The following SLC16A1 variants were observed in gnomAD, a reference collection of about 807,000 sequenced individuals.
The protein encoded by SLC16A1 is monocarboxylate transporter 1.
Under a neutral mutation model 32.2 loss-of-function variants are expected in SLC16A1, and 11 were observed. That is an observed-to-expected ratio of 0.34 (90% CI 0.21 to 0.56). The LOEUF is 0.56. Ranked by LOEUF, SLC16A1 falls within the 20% of genes least tolerant of loss-of-function variation. The pLI, the probability that SLC16A1 is intolerant of heterozygous loss-of-function variation, is 0.87. For synonymous variants in SLC16A1, 231 were observed against 226.8 expected (o/e 1.02, Z -0.17); for missense variants, 435 against 615.0 (o/e 0.71, Z 3.10).
intron 3 of SLC16A1, among the ~76,000 whole-genome samples, chr1:112,919,011 T>TTTATTTTATTTATTTATTTATTTA (rs374042504): frequency 6.9e-6 from 1 of 144,224 alleles, no homozygotes; most frequent in African/African-American, 2.6e-5. Flanking sequence ...TACTAATTTA[T>TTTATTTTATTTATTTATTTATTTA]TTTATTTATT....
At chr1:112,939,388 A>G (rs1649424326) in intron 1 of SLC16A1, among the ~76,000 whole-genome samples, 1 of 152,238 alleles carries the variant, frequency 6.6e-6, no homozygotes, top group East Asian at 1.9e-4. Flanking sequence ...GTATATATCC[A>G]AAGGAACTGA....
intron 1 of SLC16A1, among the ~76,000 whole-genome samples, chr1:112,933,100 T>TA (rs1259851340): frequency 6.6e-6 from 1 of 152,142 alleles, no homozygotes; most frequent in African/African-American, 2.4e-5. Context: ...TTAAAATAGA[T>TA]AACCTATCCT....
In SLC16A1 at chr1:112,923,696, C is replaced by T. The variant is rs1367592276; in HGVS notation, c.218-1563G>A. On this transcript the variant is annotated intron_variant, in intron 2 of 4. Transcript: ENST00000369626. ...ACCTCTTCTACCTGCTCAGGCCAGACCACAGCACCCCGGTGGAAGAGACAC... is the reference window on the plus strand; with the variant it reads ...ACCTCTTCTACCTGCTCAGGCCAGATCACAGCACCCCGGTGGAAGAGACAC... The T allele has an allele frequency of 2.0e-6, 3 of 1,534,520 alleles. No homozygotes were observed. In the South Asian group the frequency reaches 3.4e-5, roughly 17 times the overall value.
intron 2 of SLC16A1, chr1:112,923,504 C>T: frequency 1.0e-6 from 1 of 963,806 alleles, no homozygotes; most frequent in Non-Finnish European, 1.7e-6. Context: ...ACGGCCACAC[C>T]AAGATAGACA....
chr1:112,933,041 C>T (rs1452625435), intron 1 of SLC16A1, among the ~76,000 whole-genome samples: 1 of 152,008 alleles, frequency 6.6e-6, no homozygotes, highest in Non-Finnish European at 1.5e-5. Context: ...AAATAAATCT[C>T]ACAAAAGATG....
intron 4 of SLC16A1, among the ~76,000 whole-genome samples, chr1:112,915,624 C>CAGTT (rs1403049660): frequency 6.6e-6 from 1 of 152,058 alleles, no homozygotes; most frequent in Non-Finnish European, 1.5e-5. Context: ...ACAGGTAGAC[C>CAGTT]AGTTAGGAGG....
At position 112,917,809 on chromosome 1, in the gene SLC16A1, C is replaced by T. The variant is rs1238071723; in HGVS notation, c.597G>A (p.Gly199=). 1.2e-6 allele frequency: 2 copies of T among 1,614,000 alleles called. No homozygotes were observed. The highest frequency in any genetic ancestry group is 1.7e-6 in the Non-Finnish European group (2 of 1,180,038). ...CVAGALMRPI[G]PKPTKAGKDK... ...CTTTCCCTGCCTTGGTTGGCTTGGG[C>T]CCGATTGGTCGCATGAGGGCTCCAG... Residue 199 remains glycine (G), a synonymous_variant, in exon 4 of 5, where the codon GGG becomes GGA. Transcript: ENST00000369626. The surrounding 1 kb of genome is among the most constrained non-coding windows in gnomAD (Gnocchi z 4.1).
At chr1:112,954,412 C>T (rs929395388) in intron 1 of SLC16A1, among the ~76,000 whole-genome samples, 2 of 152,180 alleles carry the variant, frequency 1.3e-5, no homozygotes, top group Non-Finnish European at 2.9e-5. Context: ...ATCACTTAAT[C>T]CCTCCAGCCC....
chr1:112,921,835 T>A (rs1480263750), intron 3 of SLC16A1, among the ~76,000 whole-genome samples, 155 bp downstream of exon 3: 4 of 152,234 alleles, frequency 2.6e-5, no homozygotes, highest in Non-Finnish European at 5.9e-5. Context: ...AAAAGTTTGC[T>A]TTTCTAGTAC....
Position 112,952,993 on chromosome 1 carries a change from C to T in SLC16A1, c.-45+3042G>A, listed in dbSNP as rs148820903. Among the ~76,000 whole-genome samples the T allele has an allele frequency of 2.4e-3, 359 of 152,254 alleles. 1 individual carries two copies. Among genetic ancestry groups the T allele is most frequent in the South Asian group, 0.014 (69 of 4,818 alleles). On this transcript the variant is annotated intron_variant, in intron 1 of 4. Transcript: ENST00000369626. ...CATCTGGTCTCCACCAAATCCTCCA[C>T]CAAATCCTGTCTGTTTCTCTACCAA...
chr1:112,938,922 G>C (rs1334757622), intron 1 of SLC16A1, among the ~76,000 whole-genome samples: 1 of 142,642 alleles, frequency 7.0e-6, no homozygotes, highest in Non-Finnish European at 1.5e-5. Context: ...ATGGAGTCTT[G>C]CCCTGTTGCC....
chr1:112,927,605 T>C (rs1287019000), intron 2 of SLC16A1, among the ~76,000 whole-genome samples: 1 of 152,192 alleles, frequency 6.6e-6, no homozygotes, highest in Non-Finnish European at 1.5e-5. Context: ...TCTTTTAGTG[T>C]TATTTCAGGA....
At chr1:112,939,667 G>T (rs1454832650) in intron 1 of SLC16A1, among the ~76,000 whole-genome samples, 2 of 152,028 alleles carry the variant, frequency 1.3e-5, no homozygotes, top group Non-Finnish European at 2.9e-5. Context: ...CACCATGCCG[G>T]CCTAATTTTT....
intron 1 of SLC16A1, among the ~76,000 whole-genome samples, chr1:112,932,770 G>A (rs2101636987): frequency 7.1e-6 from 1 of 141,334 alleles, no homozygotes; most frequent in South Asian, 2.4e-4. Context: ...CTCCAGCCTG[G>A]GTGACAAGGG....
At chr1:112,936,229 C>A (rs117642224) in intron 1 of SLC16A1, among the ~76,000 whole-genome samples, 1 of 129,040 alleles carries the variant, frequency 7.7e-6, no homozygotes, top group African/African-American at 3.1e-5. Flanking sequence ...AGAAGGCAGC[C>A]GGGGGCAGTG....
chr1:112,924,192 G>A (rs1648850781), intron 2 of SLC16A1: 28 of 1,512,228 alleles, frequency 1.9e-5, no homozygotes, highest in Middle Eastern at 1.8e-4. Flanking sequence ...GGGTGCCCAC[G>A]GGGACGCAGT....
In SLC16A1 at chr1:112,913,649, A is replaced by T. The variant is rs771246960; in HGVS notation, c.*242T>A. ...CTTTATGACACTATTAAAAGCTAAG[A>T]TTAAAACAAAACAAAACAGAACCTA... On this transcript the variant is annotated 3_prime_UTR_variant, in exon 5 of 5. Transcript: ENST00000369626. 1.3e-5 allele frequency: 7 copies of T among 558,176 alleles called. No individual in the cohort carries two copies. Among genetic ancestry groups the T allele is most frequent in the Non-Finnish European group, 1.9e-5 (6 of 311,988 alleles). The allele number at this position is 558,176 out of a possible 1,614,324, so 34.6% of individuals were successfully genotyped here.
chr1:112,929,461 C>T, intron 1 of SLC16A1, 109 bp from the exon 2 acceptor site: 1 of 691,548 alleles, frequency 1.4e-6, no homozygotes, highest in South Asian at 1.7e-5. Context: ...TATTAGTAAT[C>T]CCAGCTACTT....
At chr1:112,938,645 C>T (rs1455293437) in intron 1 of SLC16A1, among the ~76,000 whole-genome samples, 1 of 152,188 alleles carries the variant, frequency 6.6e-6, no homozygotes, top group East Asian at 1.9e-4. Context: ...ATCCTATCCA[C>T]ATTACAAGAA....
Sources: allele counts gnomAD v4.1 joint callset (sites outside exome capture counted in the v4.1 genomes callset), GRCh38; gene constraint gnomAD v4.1.1; non-coding constraint Gnocchi (gnomAD v3.1); transcripts MANE v1.5; gene names NCBI Gene and HGNC (gene_info 2026-07-23, HGNC 2026-07-21).